SUSD1: variants seen among roughly 807,000 people sequenced by gnomAD.
The protein encoded by SUSD1 is sushi domain containing 1.
SUSD1 carries 65 observed loss-of-function variants against 86.9 expected under a neutral mutation model. The ratio of observed to expected loss-of-function variants is 0.75; its 90% confidence interval spans 0.61 to 0.92. The LOEUF (loss-of-function observed/expected upper bound fraction) is 0.92, where lower values mean the gene tolerates loss of function less well. SUSD1 is among the 40% of genes least tolerant of loss of function. The pLI is 0.00. For missense variants in SUSD1, 850 were observed against 929.7 expected, an observed-to-expected ratio of 0.91 and a Z score of 1.11; for synonymous variants, 346 against 350.0, an observed-to-expected ratio of 0.99 and a Z score of 0.13.
chr9:112,106,231 C>T (rs934177283), intron 8 of SUSD1, among the ~76,000 whole-genome samples: 4 of 152,100 alleles, frequency 2.6e-5, no homozygotes, highest in African/African-American at 9.7e-5. Flanking sequence ...CCTAAGCCTC[C>T]CAAAGTGCAG....
chr9:112,041,783 C>A, intron 16 of SUSD1, 84 bp downstream of exon 16: 1 of 1,362,546 alleles, frequency 7.3e-7, no homozygotes, highest in East Asian at 2.5e-5. Context: ...CCTTTGACTC[C>A]CCTCATCCCC....
chr9:112,158,647 C>T (rs1184459414), intron 1 of SUSD1, among the ~76,000 whole-genome samples: 1 of 152,150 alleles, frequency 6.6e-6, no homozygotes, highest in Non-Finnish European at 1.5e-5. Flanking sequence ...TGGCCTCAGC[C>T]TCCCAAGGAG....
At chr9:112,086,621 G>A (rs1367081488) in intron 10 of SUSD1, among the ~76,000 whole-genome samples, 2 of 151,786 alleles carry the variant, frequency 1.3e-5, no homozygotes, top group Admixed American at 6.6e-5. Context: ...TACAAGGAAA[G>A]GATTAAAAGT....
rs750310633 is a variant in SUSD1 at position 112,111,766 on chromosome 9, G to A, written c.1059C>T (p.Ser353=). The A allele has an allele frequency of 2.5e-6, 4 of 1,614,162 alleles. No individual in the cohort carries two copies. The East Asian group carries it at 8.9e-5, about 36-fold the overall frequency. Reference sequence around the variant, plus strand: ...GGGCTAGGCACACTTCTGGGGTCCTGCTGTCTGTGGTCAAGTTGACTGTCT... The same window carrying A: ...GGGCTAGGCACACTTCTGGGGTCCTACTGTCTGTGGTCAAGTTGACTGTCT... ...REETVNLTTD[S]RTPEVCLALY... is the part of the protein sequence containing the mutation. The change falls in exon 8 of 17, where the codon AGC becomes AGT. Residue 353 remains serine (S), a synonymous_variant. Transcript: ENST00000374270.
Position 112,138,244 on chromosome 9 carries a change from T to TATATATATATATATGTATATACAC in SUSD1, c.706+4075_706+4076insGTGTATATACATATATATATATAT, listed in dbSNP as rs1564328818. On this transcript the variant is annotated intron_variant, in intron 5 of 16. Coordinates refer to ENST00000374270, the MANE Select transcript of SUSD1 (RefSeq NM_022486.5). ...ATCTCAAAAAAAAAATGTGTATATA[T>TATATATATATATATGTATATACAC]ATATATATATATGTGTATATACATA... 7.1e-4 allele frequency among the ~76,000 whole-genome samples: 70 copies of TATATATATATATATGTATATACAC among 98,192 alleles called. 2 individuals are homozygous for TATATATATATATATGTATATACAC. The highest frequency in any genetic ancestry group is 1.8e-3 in the African/African-American group (32 of 18,266). The allele number at this position is 98,192 out of a possible 152,430, so 64.4% of individuals were successfully genotyped here.
intron 13 of SUSD1, among the ~76,000 whole-genome samples, chr9:112,060,194 G>C (rs1828653604): frequency 6.6e-6 from 1 of 152,092 alleles, no homozygotes; most frequent in Non-Finnish European, 1.5e-5. Context: ...GTGGGTGTTG[G>C]ATATGGAAAG....
intron 1 of SUSD1, among the ~76,000 whole-genome samples, chr9:112,164,027 A>T (rs926297317): frequency 5.3e-5 from 8 of 152,012 alleles, no homozygotes; most frequent in East Asian, 1.9e-4. Context: ...TAAAAAAAAT[A>T]AAAAAACTTA....
intron 5 of SUSD1, among the ~76,000 whole-genome samples, chr9:112,134,624 G>T (rs544470259): frequency 1.3e-5 from 2 of 152,156 alleles, no homozygotes; most frequent in Non-Finnish European, 2.9e-5. Flanking sequence ...GGAGGAAGGG[G>T]GTTGAAACAC....
intron 6 of SUSD1, among the ~76,000 whole-genome samples, chr9:112,118,560 C>T (rs1564311301): frequency 6.6e-6 from 1 of 152,208 alleles, no homozygotes; most frequent in Non-Finnish European, 1.5e-5. Context: ...TCTCAGCTGA[C>T]TGCAACCTCC....
chr9:112,109,415 CATAA>C (rs1191622937), intron 8 of SUSD1, among the ~76,000 whole-genome samples: 1 of 152,168 alleles, frequency 6.6e-6, no homozygotes, highest in African/African-American at 2.4e-5. Context: ...TATAACAGTG[CATAA>C]ATAAACAGAA....
At chr9:112,079,129 G>A (rs1404054905) in intron 11 of SUSD1, among the ~76,000 whole-genome samples, 1 of 151,376 alleles carries the variant, frequency 6.6e-6, no homozygotes, top group African/African-American at 2.4e-5. Flanking sequence ...GTTTTCATGA[G>A]CTTTCTTCCT....
intron 6 of SUSD1, among the ~76,000 whole-genome samples, chr9:112,123,900 A>G (rs1248901540): frequency 1.3e-5 from 2 of 152,138 alleles, no homozygotes; most frequent in Admixed American, 6.6e-5. Flanking sequence ...TTTTCGTCAT[A>G]CCACCTTTTC....
At position 112,138,232 on chromosome 9, in the gene SUSD1, AATGTGTATATATATATATATAT is replaced by A. The variant is rs1435956606; in HGVS notation, c.706+4066_706+4087del. Among the ~76,000 whole-genome samples the A allele has an allele frequency of 8.7e-3, 14 of 1,604 alleles. 1 individual carries two copies. The highest frequency in any genetic ancestry group is 0.1 in the East Asian group (2 of 20). 1.1% of individuals were successfully genotyped at this position (1,604 alleles called of 152,430 possible). ...CAGTGAGACTCCATCTCAAAAAAAA[AATGTGTATATATATATATATAT>A]ATGTGTATATACATATATATATATA... On this transcript the variant is annotated intron_variant, in intron 5 of 16. Coordinates refer to ENST00000374270, the MANE Select transcript of SUSD1 (RefSeq NM_022486.5).
intron 5 of SUSD1, among the ~76,000 whole-genome samples, chr9:112,136,268 C>T (rs1316546950): frequency 6.6e-6 from 1 of 152,060 alleles, no homozygotes; most frequent in African/African-American, 2.4e-5. Context: ...GGGTCTTCCC[C>T]TGTTGCCCAG....
At chr9:112,083,811 T>C (rs1284956827) in intron 10 of SUSD1, among the ~76,000 whole-genome samples, 2 of 152,224 alleles carry the variant, frequency 1.3e-5, no homozygotes, top group Non-Finnish European at 2.9e-5. Flanking sequence ...TGTGCTCTTT[T>C]TGTTTCCAGA....
intron 12 of SUSD1, among the ~76,000 whole-genome samples, chr9:112,070,818 T>G (rs984792500): frequency 6.6e-6 from 1 of 152,134 alleles, no homozygotes; most frequent in African/African-American, 2.4e-5. Context: ...CTAGACAGTC[T>G]GGAAAGAGAC....
At chr9:112,165,942 G>GAAGAAAGAAAAGAAAGAAAGA (rs1833795075) in intron 1 of SUSD1, among the ~76,000 whole-genome samples, 1 of 71,912 alleles carries the variant, frequency 1.4e-5, no homozygotes, top group African/African-American at 5.5e-5. Flanking sequence ...AAGAAAGAAA[G>GAAGAAAGAAAAGAAAGAAAGA]AAGAAAGAAA....
At chr9:112,105,881 A>G (rs1335937305) in intron 8 of SUSD1, among the ~76,000 whole-genome samples, 1 of 152,234 alleles carries the variant, frequency 6.6e-6, no homozygotes, top group African/African-American at 2.4e-5. Flanking sequence ...TAGGTGGTCA[A>G]TAAACATTTG....
intron 12 of SUSD1, among the ~76,000 whole-genome samples, chr9:112,067,229 A>G (rs1829022684): frequency 6.6e-6 from 1 of 152,238 alleles, no homozygotes; most frequent in African/African-American, 2.4e-5. Flanking sequence ...TGTAAGTACC[A>G]GGTAGGCCAA....
Sources: allele counts gnomAD v4.1 joint callset (sites outside exome capture counted in the v4.1 genomes callset), GRCh38; gene constraint gnomAD v4.1.1; transcripts MANE v1.5; gene names NCBI Gene and HGNC (gene_info 2026-07-23, HGNC 2026-07-21).